LHFPL2: variants seen among roughly 807,000 people sequenced by gnomAD.
LHFPL2 encodes the protein LHFPL tetraspan subfamily member 2 protein.
Under a neutral mutation model 17.5 loss-of-function variants are expected in LHFPL2, and 7 were observed. That is an observed-to-expected ratio of 0.40 (90% CI 0.23 to 0.75). LHFPL2 has a LOEUF of 0.75. LHFPL2 is among the 30% of genes least tolerant of loss of function. LHFPL2 has a pLI of 0.37. For synonymous variants in LHFPL2, 134 were observed against 116.2 expected (o/e 1.15, Z -0.99); for missense variants, 241 against 294.8 (o/e 0.82, Z 1.34).
In LHFPL2 at chr5:78,486,282, A is replaced by G. The variant is rs1486107675; in HGVS notation, c.*2615T>C. On this transcript the variant is annotated 3_prime_UTR_variant, in exon 5 of 5. Transcript: ENST00000380345. ...AATCCAAGGCAAATATTTCTGCCTC[A>G]GAGTTCATTGAGAAGCGCAGCCCAT... 2 of 152,448 alleles carry G rather than the reference A, an allele frequency of 1.3e-5. No homozygotes were observed. Among genetic ancestry groups the G allele is most frequent in the Non-Finnish European group, 2.9e-5 (2 of 68,036 alleles). The allele number at this position is 152,448 out of a possible 1,614,324, so 9.4% of individuals were successfully genotyped here. A position where few individuals can be genotyped will look rare whatever the true frequency, so the allele number is the denominator to read the frequency against.
intron 1 of LHFPL2, among the ~76,000 whole-genome samples, chr5:78,633,973 G>A (rs1008760297): frequency 6.6e-6 from 1 of 152,230 alleles, no homozygotes; most frequent in East Asian, 1.9e-4. Flanking sequence ...TTTCTTCCTG[G>A]AGAGTGAAAT....
chr5:78,567,763 C>A (rs1756896455), intron 2 of LHFPL2, among the ~76,000 whole-genome samples: 1 of 152,066 alleles, frequency 6.6e-6, no homozygotes, highest in African/African-American at 2.4e-5. Flanking sequence ...TACATGATCA[C>A]ATTTTATCCT....
At chr5:78,501,644 G>A (rs1421762585) in intron 4 of LHFPL2, among the ~76,000 whole-genome samples, 1 of 152,134 alleles carries the variant, frequency 6.6e-6, no homozygotes, top group Non-Finnish European at 1.5e-5. Context: ...TGATCATATT[G>A]CACTACAGTC....
chr5:78,574,864 AC>A (rs1400134922), intron 2 of LHFPL2, among the ~76,000 whole-genome samples: 2 of 152,122 alleles, frequency 1.3e-5, no homozygotes, highest in Non-Finnish European at 2.9e-5. Context: ...CTCTCTCCAG[AC>A]CTGTTCTTGC....
intron 2 of LHFPL2, among the ~76,000 whole-genome samples, chr5:78,628,114 G>A (rs1745115452): frequency 6.6e-6 from 1 of 152,086 alleles, no homozygotes; most frequent in African/African-American, 2.4e-5. Context: ...ACTGGATATC[G>A]AGCTCTCGTT....
chr5:78,637,636 G>A (rs1314615439), intron 1 of LHFPL2, among the ~76,000 whole-genome samples: 2 of 152,218 alleles, frequency 1.3e-5, no homozygotes, highest in Non-Finnish European at 2.9e-5. Flanking sequence ...GTTCAGCCCT[G>A]ACATTTCTCA....
chr5:78,507,012 C>T (rs1419610816), intron 4 of LHFPL2, among the ~76,000 whole-genome samples: 1 of 152,080 alleles, frequency 6.6e-6, no homozygotes, highest in African/African-American at 2.4e-5. Context: ...TCCAAGAGAC[C>T]TTGTGCAGAG....
At chr5:78,511,004 TA>T (rs762455807) in intron 3 of LHFPL2, among the ~76,000 whole-genome samples, 5 of 152,024 alleles carry the variant, frequency 3.3e-5, no homozygotes, top group Admixed American at 2.0e-4. Context: ...GAATCACATG[TA>T]AAAGAATAAA....
chr5:78,530,075 T>C lies in LHFPL2; in HGVS notation c.-185-19677A>G, dbSNP rs6869705. 8.4e-4 allele frequency among the ~76,000 whole-genome samples: 128 copies of C among 152,344 alleles called. 1 individual carries two copies. The highest frequency in any genetic ancestry group is 3.0e-3 in the African/African-American group (126 of 41,584). On this transcript the variant is annotated intron_variant, in intron 3 of 4. Transcript: ENST00000380345. ...ATTTTGCCCATGCCAAGTTAAGCCA[T>C]AAGATCCATCAGGCACATTATTTTT...
chr5:78,512,588 C>G (rs1755164804), intron 3 of LHFPL2, among the ~76,000 whole-genome samples: 1 of 151,612 alleles, frequency 6.6e-6, no homozygotes, highest in Non-Finnish European at 1.5e-5. Context: ...CACAAGGACT[C>G]CCAGGAGGCC....
At chr5:78,582,007 G>T (rs1263439615) in intron 2 of LHFPL2, among the ~76,000 whole-genome samples, 2 of 152,142 alleles carry the variant, frequency 1.3e-5, no homozygotes, top group Non-Finnish European at 2.9e-5. Flanking sequence ...CTTCTTCATG[G>T]TTTAGTCTTG....
chr5:78,519,172 G>A (rs1196754053), intron 3 of LHFPL2, among the ~76,000 whole-genome samples: 1 of 151,992 alleles, frequency 6.6e-6, no homozygotes, highest in African/African-American at 2.4e-5. Flanking sequence ...AGAGAGACGC[G>A]AGGCAAGAGA....
At chr5:78,508,946 A>G (rs1291435338) in intron 4 of LHFPL2, among the ~76,000 whole-genome samples, 1 of 152,206 alleles carries the variant, frequency 6.6e-6, no homozygotes, top group Non-Finnish European at 1.5e-5. Context: ...CAGAACAAGA[A>G]CCTTGAATCA....
At chr5:78,575,070 T>G (rs1757094581) in intron 2 of LHFPL2, among the ~76,000 whole-genome samples, 1 of 152,168 alleles carries the variant, frequency 6.6e-6, no homozygotes, top group Non-Finnish European at 1.5e-5. Context: ...CCTAATCCTG[T>G]GTTCTTGCCA....
chr5:78,644,421 T>A (rs1230786029), intron 1 of LHFPL2: 2 of 710,074 alleles, frequency 2.8e-6, no homozygotes, highest in African/African-American at 1.8e-5. Context: ...AGCCTTTTCA[T>A]AAGGCTGCTT....
intron 2 of LHFPL2, among the ~76,000 whole-genome samples, chr5:78,579,957 T>A (rs1244161080): frequency 6.6e-6 from 1 of 152,218 alleles, no homozygotes; most frequent in Admixed American, 6.5e-5. Context: ...TAGTTTACAG[T>A]CCCACCAACA....
At chr5:78,499,302 T>C (rs891331308) in intron 4 of LHFPL2, among the ~76,000 whole-genome samples, 17 of 152,254 alleles carry the variant, frequency 1.1e-4, no homozygotes, top group African/African-American at 4.1e-4. Flanking sequence ...AATGGGAGCA[T>C]TTCATGCTTG....
At chr5:78,583,152 C>A (rs1420337824) in intron 2 of LHFPL2, among the ~76,000 whole-genome samples, 4 of 151,388 alleles carry the variant, frequency 2.6e-5, no homozygotes, top group African/African-American at 7.3e-5. Flanking sequence ...TTCCTCCATC[C>A]TTTTATTTTG....
At chr5:78,531,346 C>T (rs1005642956) in intron 3 of LHFPL2, among the ~76,000 whole-genome samples, 1 of 146,066 alleles carries the variant, frequency 6.8e-6, no homozygotes, top group Admixed American at 7.2e-5. Context: ...ATCCACGAGG[C>T]AGAGGTTGTG....
Sources: allele counts gnomAD v4.1 joint callset (sites outside exome capture counted in the v4.1 genomes callset), GRCh38; gene constraint gnomAD v4.1.1; transcripts MANE v1.5; gene names NCBI Gene and HGNC (gene_info 2026-07-23, HGNC 2026-07-21).